Variants in TSNARE1 observed in about 807,000 individuals in gnomAD.
The protein encoded by TSNARE1 is t-SNARE domain containing 1.
In TSNARE1, 49 loss-of-function variants were observed where a neutral mutation model predicts 62.0. The ratio of observed to expected loss-of-function variants is 0.79; its 90% CI spans 0.63 to 1.00. The LOEUF is 1.00. TSNARE1 is among the 50% of genes least tolerant of loss of function. The pLI is 0.00. For missense variants in TSNARE1, 755 were observed against 700.1 expected, an observed-to-expected ratio of 1.08 and a Z score of -0.88; for synonymous variants, 328 against 294.4, an observed-to-expected ratio of 1.11 and a Z score of -1.17.
intron 10 of TSNARE1, among the ~76,000 whole-genome samples, chr8:142,289,387 G>T (rs1354374438): frequency 6.6e-6 from 1 of 152,176 alleles, no homozygotes; most frequent in Non-Finnish European, 1.5e-5. Context: ...AACTCAGATA[G>T]CAAGCCTGGG....
At chr8:142,248,659 G>A (rs1487636235) in intron 12 of TSNARE1, among the ~76,000 whole-genome samples, 1 of 152,192 alleles carries the variant, frequency 6.6e-6, no homozygotes, top group Admixed American at 6.5e-5. Flanking sequence ...AGCAGATCTG[G>A]GCTGGGGTCT....
At chr8:142,315,743 C>G (rs1192373083) in intron 7 of TSNARE1, among the ~76,000 whole-genome samples, 1 of 152,246 alleles carries the variant, frequency 6.6e-6, no homozygotes, top group Non-Finnish European at 1.5e-5. Context: ...GAGCCCACAG[C>G]TTCCTCCCAG....
rs185828781 is a variant in TSNARE1 at position 142,214,964 on chromosome 8, T to C, written c.*12-2651A>G. Among the ~76,000 whole-genome samples, 1,150 of 152,270 alleles carry C rather than the reference T, an allele frequency of 7.6e-3. 13 individuals carry two copies. Among genetic ancestry groups the C allele is most frequent in the African/African-American group, 0.026 (1,093 of 41,536 alleles). On this transcript the variant is annotated intron_variant, in intron 13 of 13. Transcript: ENST00000524325. The stretch of plus-strand genomic sequence containing the variant: ...CAGCAGCTGAGCTGATAAGGACCCC[T>C]CACCGACAAGGGCTCCCTCCCCCAG...
intron 1 of TSNARE1, among the ~76,000 whole-genome samples, chr8:142,367,650 T>C (rs955491675): frequency 6.6e-6 from 1 of 152,232 alleles, no homozygotes. Flanking sequence ...ATTCACTTAA[T>C]TATACACTTC....
chr8:142,370,470 G>T (rs1469219765), intron 1 of TSNARE1, among the ~76,000 whole-genome samples: 1 of 152,120 alleles, frequency 6.6e-6, no homozygotes, highest in East Asian at 1.9e-4. Flanking sequence ...TACTCGGCAG[G>T]CTGAGGTGGG....
intron 13 of TSNARE1, among the ~76,000 whole-genome samples, chr8:142,214,147 G>C (rs1017956392): frequency 1.3e-5 from 2 of 152,202 alleles, no homozygotes; most frequent in Non-Finnish European, 2.9e-5. Flanking sequence ...CCAAGGTCCA[G>C]GGAGCAGGCG....
intron 1 of TSNARE1, among the ~76,000 whole-genome samples, chr8:142,360,691 C>T (rs558175639): frequency 6.6e-6 from 1 of 152,250 alleles, no homozygotes; most frequent in East Asian, 1.9e-4. Context: ...TGCAGGGCGC[C>T]GGGGGAAGCG....
rs376383815 is a variant in TSNARE1, at chr8:142,347,691, G to A, written c.89-1799C>T. Reference sequence around the variant, plus strand: ...CGCTCACCCAAGTCCAGAAGGACACGCCATCACCTCGCCACACTGCATCCG... The same window carrying A: ...CGCTCACCCAAGTCCAGAAGGACACACCATCACCTCGCCACACTGCATCCG... On this transcript the variant is annotated intron_variant, in intron 2 of 13. Transcript: ENST00000524325. 6.1e-3 allele frequency among the ~76,000 whole-genome samples: 892 copies of A among 145,632 alleles called. 5 individuals are homozygous for A. Among genetic ancestry groups the A allele is most frequent in the East Asian group, 0.019 (93 of 4,808 alleles).
intron 9 of TSNARE1, among the ~76,000 whole-genome samples, chr8:142,313,358 CTCTT>C (rs1480586101): frequency 6.7e-6 from 1 of 149,812 alleles, no homozygotes; most frequent in Non-Finnish European, 1.5e-5. Context: ...CTCTACATGT[CTCTT>C]TATCTGTATG....
intron 12 of TSNARE1, among the ~76,000 whole-genome samples, chr8:142,258,975 C>T (rs1818728117): frequency 6.6e-6 from 1 of 152,216 alleles, no homozygotes; most frequent in Admixed American, 6.5e-5. Context: ...CTCCCACCGC[C>T]AGCCCAAGGG....
In TSNARE1 at chr8:142,331,608, G is replaced by A. The variant is rs550394155; in HGVS notation, c.823+146C>T. The A allele has an allele frequency of 8.0e-5, 59 of 737,526 alleles. No homozygotes were observed. In the Admixed American group the frequency reaches 1.0e-3, roughly 13 times the overall value. 45.7% of individuals were successfully genotyped at this position (737,526 alleles called of 1,614,324 possible). ...GCCATCCAGCACCCTCGCATCCAAC[G>A]TCGCATCAGTGGACCCACGAAACCC... On this transcript the variant is annotated intron_variant, in intron 5 of 13. Transcript: ENST00000524325.
chr8:142,314,346 C>G, intron 9 of TSNARE1, 38 bp downstream of exon 9: 1 of 1,589,242 alleles, frequency 6.3e-7, no homozygotes, highest in Non-Finnish European at 8.6e-7. Context: ...GGGCTGTCCC[C>G]TAACAGCCAC....
At chr8:142,278,782 C>T in intron 11 of TSNARE1, 1 of 985,428 alleles carries the variant, frequency 1.0e-6, no homozygotes, top group Non-Finnish European at 1.2e-6. Flanking sequence ...CGGACAGCAC[C>T]ACGTGTGGGG....
intron 9 of TSNARE1, among the ~76,000 whole-genome samples, chr8:142,306,635 C>G (rs1826723095): frequency 6.6e-6 from 1 of 152,220 alleles, no homozygotes; most frequent in Non-Finnish European, 1.5e-5. Flanking sequence ...GCCAGGGCTG[C>G]CCGGCCTGTG....
At chr8:142,294,821 C>T (rs866096471) in intron 10 of TSNARE1, among the ~76,000 whole-genome samples, 1 of 152,244 alleles carries the variant, frequency 6.6e-6, no homozygotes, top group Non-Finnish European at 1.5e-5. Flanking sequence ...CTCGCCCATG[C>T]CAGGGCTCGC....
intron 9 of TSNARE1, among the ~76,000 whole-genome samples, chr8:142,311,538 C>G (rs935753701): frequency 6.6e-6 from 1 of 151,952 alleles, no homozygotes; most frequent in African/African-American, 2.4e-5. Context: ...CTCAGGTGAT[C>G]CACCCACCTC....
At chr8:142,340,540 C>T (rs1832439560) in intron 4 of TSNARE1, among the ~76,000 whole-genome samples, 1 of 152,200 alleles carries the variant, frequency 6.6e-6, no homozygotes, top group South Asian at 2.1e-4. Flanking sequence ...TGGGAATGAA[C>T]TAGCATCACC....
At chr8:142,336,677 A>C (rs1831805512) in intron 4 of TSNARE1, among the ~76,000 whole-genome samples, 1 of 152,212 alleles carries the variant, frequency 6.6e-6, no homozygotes, top group African/African-American at 2.4e-5. Flanking sequence ...AGAAACTCCA[A>C]CACCATCAAC....
intron 12 of TSNARE1, chr8:142,271,077 C>T: frequency 1.0e-6 from 1 of 986,072 alleles, no homozygotes; most frequent in Non-Finnish European, 1.2e-6. Flanking sequence ...GCCAGCACCC[C>T]CGACCAGCCC....
Sources: allele counts gnomAD v4.1 joint callset (sites outside exome capture counted in the v4.1 genomes callset), GRCh38; gene constraint gnomAD v4.1.1; transcripts MANE v1.5; gene names NCBI Gene and HGNC (gene_info 2026-07-23, HGNC 2026-07-21).